C4orf50: variants seen among roughly 807,000 people sequenced by gnomAD.
C4orf50 encodes chromosome 4 open reading frame 50.
C4orf50 carries 80 observed loss-of-function variants against 77.2 expected under a neutral mutation model. The ratio of observed to expected loss-of-function variants is 1.04; its 90% confidence interval spans 0.87 to 1.25. C4orf50 has a LOEUF of 1.25. Among genes scored for constraint, C4orf50 ranks in the 50% most tolerant of loss-of-function variants. C4orf50 has a pLI of 0.00. For synonymous variants in C4orf50, 532 were observed against 465.3 expected (o/e 1.14, Z -1.84); for missense variants, 1,257 against 1,152.9 (o/e 1.09, Z -1.31).
chr4:5,995,078 G>A (rs543977123), intron 25 of C4orf50, among the ~76,000 whole-genome samples: 1 of 152,200 alleles, frequency 6.6e-6, no homozygotes, highest in East Asian at 1.9e-4. Flanking sequence ...CATGAAACCA[G>A]TCCCTGGTGC....
At chr4:5,989,057 A>G in exon 28 of C4orf50, 1 of 1,535,948 alleles carries the variant, frequency 6.5e-7, no homozygotes, top group South Asian at 1.2e-5. Context: ...ATTGCCTGTA[A>G]ATATTGATCC....
chr4:5,953,325 T>C (rs985299101), downstream of C4orf50, among the ~76,000 whole-genome samples: 7 of 152,272 alleles, frequency 4.6e-5, no homozygotes, highest in African/African-American at 1.7e-4. Flanking sequence ...CACAGTAATA[T>C]TGCGGCTACA....
chr4:5,998,783 T>C (rs1471548656), intron 25 of C4orf50, among the ~76,000 whole-genome samples: 4 of 152,266 alleles, frequency 2.6e-5, no homozygotes, highest in Non-Finnish European at 5.9e-5. Flanking sequence ...GGTTCATGCC[T>C]GGCTCACTGC....
At chr4:5,975,746 C>T (rs547823334) in intron 30 of C4orf50, among the ~76,000 whole-genome samples, 153 bp downstream of exon 8, 22 of 152,292 alleles carry the variant, frequency 1.4e-4, no homozygotes, top group African/African-American at 4.8e-4. Context: ...GCCTCAGCCT[C>T]CCAAAGTGCT....
rs764831922 is a variant in C4orf50 at position 5,904,750 on chromosome 4, C to T, written c.*2475-6562G>A. On this transcript the variant is annotated intron_variant, in intron 7 of 7. Coordinates refer to the C4orf50 transcript ENST00000324058. ...CCCTAGGAAAGAGTTCACATGCATA[C>T]AACTTTTTGTGCAGGTTGGGAACTC... 6.6e-5 allele frequency: 10 copies of T among 152,304 alleles called. No homozygotes were observed. The East Asian group carries it at 1.7e-3, about 26-fold the overall frequency. The allele number at this position is 152,304 out of a possible 1,614,324, so 9.4% of individuals were successfully genotyped here.
chr4:6,001,600 G>A (rs1721832421), intron 25 of C4orf50, among the ~76,000 whole-genome samples: 1 of 152,154 alleles, frequency 6.6e-6, no homozygotes, highest in African/African-American at 2.4e-5. Context: ...CCGCCTCACA[G>A]GGCTGAAAAG....
Position 5,964,282 on chromosome 4 carries a change from T to C in C4orf50, c.4275+742A>G, listed in dbSNP as rs946482521. Among the ~76,000 whole-genome samples, 9 of 152,282 alleles carry C rather than the reference T, an allele frequency of 5.9e-5. No homozygotes were observed. The South Asian group carries it at 1.9e-3, about 32-fold the overall frequency. On this transcript the variant is annotated intron_variant, in intron 33 of 33. Coordinates refer to ENST00000531445, the Ensembl canonical transcript of C4orf50. ...CTCTCAAATACTCAACAGGCTTTTA[T>C]GCCCTAGGAGTGAGTGTGAACCAGA... is the stretch of plus-strand genomic sequence containing the variant.
chr4:5,939,916 A>G (rs1170749296), intron 7 of C4orf50, among the ~76,000 whole-genome samples: 4 of 152,210 alleles, frequency 2.6e-5, no homozygotes, highest in Non-Finnish European at 5.9e-5. Context: ...TACCGACAAC[A>G]TGCAGAAAGG....
At chr4:5,907,695 TG>T (rs1363845484) in intron 7 of C4orf50, among the ~76,000 whole-genome samples, 1 of 152,092 alleles carries the variant, frequency 6.6e-6, no homozygotes. Flanking sequence ...TAGATTGAGT[TG>T]TTAGTAAAGG....
chr4:5,950,634 C>T (rs1032206297), intron 7 of C4orf50, among the ~76,000 whole-genome samples: 2 of 152,220 alleles, frequency 1.3e-5, no homozygotes, highest in Non-Finnish European at 2.9e-5. Context: ...ATGGCACTTC[C>T]TCCAGGACAT....
In C4orf50 at chr4:5,916,212, G is replaced by A. The variant is rs914416243; in HGVS notation, c.*2475-18024C>T. 1.3e-5 allele frequency among the ~76,000 whole-genome samples: 2 copies of A among 152,150 alleles called. No individual in the cohort carries two copies. Among genetic ancestry groups the A allele is most frequent in the African/African-American group, 4.8e-5 (2 of 41,414 alleles). ...TGTCCTGGCTTCCCTCACTGGACAG[G>A]GAACAGACGCACCAACAGCTCCTGG... On this transcript the variant is annotated intron_variant, in intron 7 of 7. Coordinates refer to the C4orf50 transcript ENST00000324058. This position sits in a 1 kb window ranked among gnomAD's most constrained non-coding sequence, Gnocchi z 4.4.
chr4:5,942,065 G>A (rs1319052341), intron 7 of C4orf50, among the ~76,000 whole-genome samples: 1 of 152,190 alleles, frequency 6.6e-6, no homozygotes, highest in Non-Finnish European at 1.5e-5. Context: ...AGAAAGGGTT[G>A]CTCCTGGAGG....
chr4:5,971,334 C>T (rs1719897109), intron 31 of C4orf50, among the ~76,000 whole-genome samples: 1 of 152,224 alleles, frequency 6.6e-6, no homozygotes, highest in Admixed American at 6.5e-5. Context: ...CCACGCCCAC[C>T]CTGCTGTCCA....
At chr4:5,977,164 G>A (rs942073684) in intron 29 of C4orf50, among the ~76,000 whole-genome samples, 16 of 152,198 alleles carry the variant, frequency 1.1e-4, no homozygotes, top group Admixed American at 3.3e-4. Context: ...GCATCCAGCC[G>A]GATGCCACTG....
intron 7 of C4orf50, among the ~76,000 whole-genome samples, chr4:5,922,328 C>T (rs773283055): frequency 6.6e-6 from 1 of 152,228 alleles, no homozygotes; most frequent in African/African-American, 2.4e-5. Context: ...AGATGCAAAC[C>T]TTAAGTCCGT....
At chr4:5,998,010 C>T (rs534078702) in intron 25 of C4orf50, among the ~76,000 whole-genome samples, 4 of 152,332 alleles carry the variant, frequency 2.6e-5, no homozygotes, top group African/African-American at 9.6e-5. Flanking sequence ...CATGACTGTA[C>T]ATGACTCTTC....
intron 7 of C4orf50, among the ~76,000 whole-genome samples, chr4:5,940,336 T>C (rs1718207251): frequency 6.6e-6 from 1 of 152,212 alleles, no homozygotes. Flanking sequence ...CATTATACTA[T>C]TATGGTTTTC....
intron 7 of C4orf50, chr4:5,898,500 A>T (rs964274986): frequency 6.6e-6 from 1 of 152,236 alleles, no homozygotes; most frequent in Non-Finnish European, 1.5e-5. Flanking sequence ...TACCCTGTCC[A>T]AGCTTGCACA....
chr4:6,003,193 C>T (rs1361709656), intron 25 of C4orf50, among the ~76,000 whole-genome samples: 1 of 152,338 alleles, frequency 6.6e-6, no homozygotes, highest in South Asian at 2.1e-4. Flanking sequence ...AGCTGGTAAC[C>T]GCAGGCCCCA....
Sources: allele counts gnomAD v4.1 joint callset (sites outside exome capture counted in the v4.1 genomes callset), GRCh38; gene constraint gnomAD v4.1.1; non-coding constraint Gnocchi (gnomAD v3.1); transcripts MANE v1.5; gene names NCBI Gene and HGNC (gene_info 2026-07-23, HGNC 2026-07-21).